MFSD11: variants seen among roughly 807,000 people sequenced by gnomAD.
MFSD11 encodes the protein UNC93-like protein MFSD11.
MFSD11 carries 36 observed loss-of-function variants against 53.5 expected under a neutral mutation model. The ratio of observed to expected loss-of-function variants is 0.67; its 90% CI spans 0.52 to 0.89. The LOEUF (loss-of-function observed/expected upper bound fraction) is 0.89, where lower values mean the gene tolerates loss of function less well. Among genes scored for constraint, MFSD11 ranks in the 40% least tolerant of loss-of-function variants. The pLI is 0.00. For synonymous variants in MFSD11, 186 were observed against 184.9 expected, an observed-to-expected ratio of 1.01 and a Z score of -0.05; for missense variants, 530 against 543.9, an observed-to-expected ratio of 0.97 and a Z score of 0.25.
intron 8 of MFSD11, among the ~76,000 whole-genome samples, chr17:76,760,310 G>A (rs2080095978): frequency 6.6e-6 from 1 of 151,542 alleles, no homozygotes; most frequent in African/African-American, 2.4e-5. Context: ...GTAAGGAAGA[G>A]AAACTATATT....
chr17:76,802,495 T>C, the MFSD11 span, among the ~76,000 whole-genome samples: 1 of 152,318 alleles, frequency 6.6e-6, no homozygotes, highest in East Asian at 1.9e-4. Flanking sequence ...GTCATGCACT[T>C]GAGTGTTCCG....
intron 1 of MFSD11, 95 bp from the exon 2 acceptor site, chr17:76,738,843 C>G (rs1215407232): frequency 2.1e-6 from 2 of 957,628 alleles, no homozygotes; most frequent in African/African-American, 1.6e-5. Flanking sequence ...TGAACTTTTA[C>G]TTTATTCTCT....
intron 1 of MFSD11, 195 bp downstream of exon 1, chr17:76,738,643 G>A (rs1187061436): frequency 1.8e-5 from 11 of 610,338 alleles, no homozygotes; most frequent in East Asian, 5.5e-5. Flanking sequence ...AAGCATTATC[G>A]TTTAATCTGA....
downstream of MFSD11, among the ~76,000 whole-genome samples, chr17:76,782,678 C>A (rs1326116706): frequency 6.7e-6 from 1 of 148,868 alleles, no homozygotes; most frequent in Non-Finnish European, 1.5e-5. Flanking sequence ...TGGGGCTTCA[C>A]CATGTTGGCC....
chr17:76,743,236 A>G (rs773609458), intron 5 of MFSD11, among the ~76,000 whole-genome samples, 162 bp from the exon 6 acceptor site: 114 of 152,328 alleles, frequency 7.5e-4, no homozygotes, highest in Middle Eastern at 6.9e-3. Context: ...CAGAGTCCAG[A>G]TGAAGCTGAT....
chr17:76,751,059 C>A (rs1199443687), intron 7 of MFSD11, among the ~76,000 whole-genome samples: 3 of 151,702 alleles, frequency 2.0e-5, no homozygotes, highest in African/African-American at 7.3e-5. Context: ...CCTTGGCCTC[C>A]CAGAGTGCTG....
chr17:76,755,808 A>ATTTTT (rs2079545034), intron 8 of MFSD11, among the ~76,000 whole-genome samples: 1 of 26,314 alleles, frequency 3.8e-5, no homozygotes, highest in Non-Finnish European at 7.1e-5. Context: ...ATATATATAT[A>ATTTTT]TATATTTTTT....
upstream of MFSD11, chr17:76,738,036 T>G (rs1346009223): frequency 5.3e-6 from 2 of 376,736 alleles, no homozygotes; most frequent in South Asian, 1.0e-4. Flanking sequence ...CGCCGGCTGC[T>G]GCGGCTGGCA....
intron 8 of MFSD11, among the ~76,000 whole-genome samples, chr17:76,765,893 G>A (rs780317987): frequency 6.6e-6 from 1 of 151,476 alleles, no homozygotes; most frequent in Non-Finnish European, 1.5e-5. Flanking sequence ...CACATGTATG[G>A]AACTTCCCTC....
chr17:76,749,915 G>A (rs1449250569), intron 7 of MFSD11, among the ~76,000 whole-genome samples: 11 of 151,016 alleles, frequency 7.3e-5, no homozygotes, highest in Non-Finnish European at 1.5e-4. Flanking sequence ...AAGCAGAGAA[G>A]CAATAGAGAA....
At chr17:76,787,866 CAT>C in the MFSD11 span, among the ~76,000 whole-genome samples, 1 of 149,860 alleles carries the variant, frequency 6.7e-6, no homozygotes, top group African/African-American at 2.4e-5. Context: ...AAATAGCAAT[CAT>C]AAAACTGACA....
At chr17:76,768,141 A>G (rs924512341) in intron 9 of MFSD11, among the ~76,000 whole-genome samples, 1 of 151,994 alleles carries the variant, frequency 6.6e-6, no homozygotes, top group African/African-American at 2.4e-5. Flanking sequence ...CATCTCTACT[A>G]AAAATACAAA....
chr17:76,769,046 A>G (rs1055253830), intron 9 of MFSD11: 2 of 152,048 alleles, frequency 1.3e-5, no homozygotes, highest in South Asian at 4.1e-4. Flanking sequence ...AAGGTTAATG[A>G]GCATGTTAGT....
At position 76,776,626 on chromosome 17, in the gene MFSD11, G is replaced by A; in HGVS notation, c.1185+85G>A. The A allele has an allele frequency of 1.6e-6, 2 of 1,272,168 alleles. No homozygotes were observed. Among genetic ancestry groups the A allele is most frequent in the Non-Finnish European group, 2.1e-6 (2 of 947,602 alleles). 78.8% of individuals were successfully genotyped at this position (1,272,168 alleles called of 1,614,324 possible). A position where few individuals can be genotyped will look rare whatever the true frequency, so the allele number is the denominator to read the frequency against. On this transcript the variant is annotated intron_variant, in intron 12 of 12. Coordinates refer to ENST00000685175, the MANE Select transcript of MFSD11 (RefSeq NM_001242532.5). The surrounding 1 kb of genome is among the most constrained non-coding windows in gnomAD (Gnocchi z 4.2). ...TGTTTTCCTTGGTTACTTGTATTGT[G>A]GTTTTAATTTTTATTTATTTATTTT...
At chr17:76,756,992 A>G (rs1434476279) in intron 8 of MFSD11, among the ~76,000 whole-genome samples, 1 of 152,156 alleles carries the variant, frequency 6.6e-6, no homozygotes, top group Non-Finnish European at 1.5e-5. Flanking sequence ...GAGCCCTTTC[A>G]TGGATATTTC....
At chr17:76,756,831 GCC>G (rs2079686280) in intron 8 of MFSD11, among the ~76,000 whole-genome samples, 1 of 150,192 alleles carries the variant, frequency 6.7e-6, no homozygotes, top group African/African-American at 2.5e-5. Flanking sequence ...CTGCACTCCA[GCC>G]TGGGCGACAG....
At chr17:76,762,679 G>T (rs969295595) in intron 8 of MFSD11, among the ~76,000 whole-genome samples, 3 of 148,386 alleles carry the variant, frequency 2.0e-5, no homozygotes, top group Non-Finnish European at 4.5e-5. Flanking sequence ...AAAAAAAAGC[G>T]GCCTTGACCA....
chr17:76,738,358 C>T lies in MFSD11; in HGVS notation c.6C>T (p.Ser2=). 6.2e-7 allele frequency: 1 copy of T among 1,613,800 alleles called. No homozygotes were observed. The highest frequency in any genetic ancestry group is 8.5e-7 in the Non-Finnish European group (1 of 1,179,728). M[S]PESKKLFNII... ...TCCGGCAGAGCTGAGCCAAAATGTC[C>T]CCGGAATCTAAAAAGCTTTTCAACA... is the stretch of plus-strand genomic sequence containing the variant. The change falls in exon 1 of 13, where the codon TCC becomes TCT. Residue 2 remains serine (S), a synonymous_variant. Coordinates refer to ENST00000685175, the MANE Select transcript of MFSD11 (RefSeq NM_001242532.5).
intron 8 of MFSD11, among the ~76,000 whole-genome samples, chr17:76,765,479 T>C (rs1219859226): frequency 7.5e-6 from 1 of 132,760 alleles, no homozygotes; most frequent in Admixed American, 7.2e-5. Flanking sequence ...TTTTTTTTTT[T>C]TGAGACAGGG....
Sources: gnomAD v4.1 joint callset for allele counts (sites outside exome capture counted in the v4.1 genomes callset) on GRCh38, gnomAD v4.1.1 for gene constraint, Gnocchi (gnomAD v3.1) non-coding constraint, MANE v1.5 for transcripts, NCBI Gene and HGNC (gene_info 2026-07-23, HGNC 2026-07-21) for gene names.